Variants in DIS3L2 observed in about 807,000 individuals in gnomAD.
DIS3L2 encodes DIS3-like exonuclease 2.
DIS3L2 carries 34 observed loss-of-function variants against 97.5 expected under a neutral mutation model. That is an observed-to-expected ratio of 0.35 (90% CI 0.27 to 0.46). The LOEUF (loss-of-function observed/expected upper bound fraction) is 0.46, where lower values mean the gene tolerates loss of function less well. Ranked by LOEUF, DIS3L2 falls within the 20% of genes least tolerant of loss-of-function variation. The pLI is 1.00. For missense variants in DIS3L2, 1,038 were observed against 1,146.0 expected (o/e 0.91, Z 1.36); for synonymous variants, 435 against 445.2 (o/e 0.98, Z 0.29).
intron 10 of DIS3L2, among the ~76,000 whole-genome samples, chr2:232,213,763 C>G (rs897883677): frequency 2.9e-5 from 4 of 136,298 alleles, no homozygotes; most frequent in African/African-American, 1.1e-4. Context: ...ACAAATATAA[C>G]ATACCTAGTC....
chr2:232,191,712 G>A (rs1286760843), intron 9 of DIS3L2, among the ~76,000 whole-genome samples: 1 of 152,278 alleles, frequency 6.6e-6, no homozygotes, highest in African/African-American at 2.4e-5. Context: ...GGAGTTATAA[G>A]TTTATATATG....
chr2:232,317,186 A>C (rs915970678), intron 14 of DIS3L2, among the ~76,000 whole-genome samples: 1 of 152,212 alleles, frequency 6.6e-6, no homozygotes. Flanking sequence ...CCAGGCAGTA[A>C]GTGCTGCGGA....
At chr2:232,077,388 T>A (rs559097306) in intron 5 of DIS3L2, among the ~76,000 whole-genome samples, 9 of 151,986 alleles carry the variant, frequency 5.9e-5, no homozygotes, top group Non-Finnish European at 1.2e-4. Flanking sequence ...TTTCTGTGTG[T>A]GTGTGTTTGG....
chr2:232,187,979 A>G (rs1002102730), intron 9 of DIS3L2, among the ~76,000 whole-genome samples: 10 of 152,182 alleles, frequency 6.6e-5, no homozygotes, highest in Non-Finnish European at 1.2e-4. Context: ...TCTACCAAAA[A>G]TACAAAAACA....
intron 10 of DIS3L2, among the ~76,000 whole-genome samples, chr2:232,225,627 C>T (rs1692623671): frequency 6.6e-6 from 1 of 152,120 alleles, no homozygotes; most frequent in Non-Finnish European, 1.5e-5. Context: ...CATTCTATTT[C>T]GTGGAACTGG....
At chr2:231,987,369 G>T (rs1693447557) in intron 1 of DIS3L2, among the ~76,000 whole-genome samples, 1 of 152,236 alleles carries the variant, frequency 6.6e-6, no homozygotes, top group Non-Finnish European at 1.5e-5. Context: ...TGCCAAGATT[G>T]CAGTTTCCGT....
At chr2:232,302,222 C>T (rs943558412) in intron 14 of DIS3L2, among the ~76,000 whole-genome samples, 6 of 151,590 alleles carry the variant, frequency 4.0e-5, no homozygotes, top group Admixed American at 3.3e-4. Flanking sequence ...GAACATCATA[C>T]ACCGGGGCCT....
chr2:232,084,723 T>C (rs1234189360), intron 5 of DIS3L2, among the ~76,000 whole-genome samples: 3 of 152,114 alleles, frequency 2.0e-5, no homozygotes, highest in African/African-American at 7.2e-5. Context: ...AAAAGAAAAT[T>C]TTATTAAATA....
intron 1 of DIS3L2, among the ~76,000 whole-genome samples, chr2:231,974,628 A>G (rs1693024471): frequency 1.3e-5 from 2 of 151,666 alleles, no homozygotes; most frequent in Non-Finnish European, 2.9e-5. Context: ...TTTTTAAAAA[A>G]ATTTTTTTAC....
intron 3 of DIS3L2, among the ~76,000 whole-genome samples, chr2:232,016,377 G>A (rs36085949): frequency 0.11 from 17,140 of 152,198 alleles, 1,321 homozygotes; most frequent in Middle Eastern, 0.17. Context: ...GCCCAGTGGT[G>A]GGAGGCAGTC....
At chr2:232,068,001 A>T (rs1347226160) in intron 5 of DIS3L2, among the ~76,000 whole-genome samples, 2 of 152,070 alleles carry the variant, frequency 1.3e-5, no homozygotes, top group Admixed American at 6.6e-5. Flanking sequence ...AGGCAATGAG[A>T]TGGGGAGAGA....
At chr2:232,193,466 A>G (rs1274232553) in intron 9 of DIS3L2, among the ~76,000 whole-genome samples, 1 of 152,248 alleles carries the variant, frequency 6.6e-6, no homozygotes, top group Non-Finnish European at 1.5e-5. Context: ...CACAGGGTCT[A>G]GCATACATTA....
chr2:232,070,079 A>G (rs939291518), intron 5 of DIS3L2, among the ~76,000 whole-genome samples: 1 of 152,218 alleles, frequency 6.6e-6, no homozygotes, highest in Admixed American at 6.5e-5. Flanking sequence ...TGTACAAGGT[A>G]TATCTATATA....
intron 14 of DIS3L2, among the ~76,000 whole-genome samples, chr2:232,318,820 G>A (rs1431987875): frequency 6.6e-6 from 1 of 152,208 alleles, no homozygotes; most frequent in African/African-American, 2.4e-5. Context: ...CCAAGCCTCT[G>A]TGTTCCATCT....
chr2:232,260,959 G>A (rs2106278197), intron 12 of DIS3L2, among the ~76,000 whole-genome samples: 1 of 152,280 alleles, frequency 6.6e-6, no homozygotes, highest in South Asian at 2.1e-4. Flanking sequence ...GAAGAGCAAG[G>A]CAAGGGGGAT....
chr2:232,124,261 G>A (rs1180884598), intron 6 of DIS3L2, among the ~76,000 whole-genome samples: 1 of 151,990 alleles, frequency 6.6e-6, no homozygotes, highest in Admixed American at 6.6e-5. Context: ...AATCACCACA[G>A]TCTAAAAAAA....
At chr2:232,309,256 A>G (rs141925173) in intron 14 of DIS3L2, among the ~76,000 whole-genome samples, 16 of 152,272 alleles carry the variant, frequency 1.1e-4, no homozygotes, top group East Asian at 1.9e-4. Context: ...CCCAGACTCT[A>G]TCTTTCTGCC....
chr2:232,334,088 C>G, intron 17 of DIS3L2, 101 bp downstream of exon 17: 2 of 1,489,836 alleles, frequency 1.3e-6, no homozygotes, highest in Admixed American at 2.3e-5. Flanking sequence ...GCCGTGACAG[C>G]GGAGGTCCAA....
chr2:232,086,291 G>A (rs1696590335), intron 5 of DIS3L2, among the ~76,000 whole-genome samples: 1 of 148,582 alleles, frequency 6.7e-6, no homozygotes, highest in African/African-American at 2.5e-5. Flanking sequence ...ACGTATATAT[G>A]TATACATATA....
Sources: gnomAD v4.1 joint callset for allele counts (sites outside exome capture counted in the v4.1 genomes callset) on GRCh38, gnomAD v4.1.1 for gene constraint, MANE v1.5 for transcripts, NCBI Gene and HGNC (gene_info 2026-07-23, HGNC 2026-07-21) for gene names.